GRIP1: variants seen among roughly 807,000 people sequenced by gnomAD.
GRIP1 encodes glutamate receptor interacting protein 1, also known as glutamate receptor-interacting protein 1.
A neutral mutation model predicts 129.9 loss-of-function variants in GRIP1; 45 were observed. The observed-to-expected ratio is 0.35, with a 90% CI of 0.27 to 0.44. GRIP1 has a LOEUF of 0.44. GRIP1 is among the 20% of genes least tolerant of loss of function. The pLI, the probability that GRIP1 is intolerant of heterozygous loss-of-function variation, is 1.00. For synonymous variants in GRIP1, 530 were observed against 520.8 expected (o/e 1.02, Z -0.24); for missense variants, 1,196 against 1,396.8 (o/e 0.86, Z 2.29).
intron 1 of GRIP1, among the ~76,000 whole-genome samples, chr12:66,989,440 CA>C (rs2042362419): frequency 6.6e-6 from 1 of 152,118 alleles, no homozygotes; most frequent in Non-Finnish European, 1.5e-5. Flanking sequence ...CATGGCTGTA[CA>C]ATTCTTCCCT....
intron 1 of GRIP1, among the ~76,000 whole-genome samples, chr12:66,944,857 C>T (rs1414941502): frequency 6.6e-6 from 1 of 152,134 alleles, no homozygotes; most frequent in Non-Finnish European, 1.5e-5. Flanking sequence ...CAGTGGCACG[C>T]TCTTGGCTCA....
chr12:66,456,459 C>T (rs982794870), intron 9 of GRIP1, 117 bp from the exon 10 acceptor site: 2 of 476,400 alleles, frequency 4.2e-6, no homozygotes, highest in Non-Finnish European at 3.4e-6. Flanking sequence ...AAGAAAGCTG[C>T]TTGCAAATAA....
chr12:66,989,644 T>C (rs1008323197), intron 1 of GRIP1, among the ~76,000 whole-genome samples: 1 of 152,186 alleles, frequency 6.6e-6, no homozygotes, highest in African/African-American at 2.4e-5. Flanking sequence ...AAACCAAATA[T>C]GGTCAGATTA....
intron 1 of GRIP1, among the ~76,000 whole-genome samples, chr12:66,908,616 G>C (rs1467210471): frequency 6.6e-6 from 1 of 152,196 alleles, no homozygotes; most frequent in African/African-American, 2.4e-5. Context: ...GTTTGTTTAT[G>C]AGGAGTGAGA....
intron 1 of GRIP1, among the ~76,000 whole-genome samples, chr12:67,019,661 G>A (rs377670654): frequency 6.6e-6 from 1 of 152,060 alleles, no homozygotes; most frequent in Non-Finnish European, 1.5e-5. Context: ...AATTCCAAAT[G>A]AGGATGACTA....
At chr12:66,424,937 G>A (rs1373281872) in intron 14 of GRIP1, among the ~76,000 whole-genome samples, 1 of 151,820 alleles carries the variant, frequency 6.6e-6, no homozygotes, top group Non-Finnish European at 1.5e-5. Flanking sequence ...GGGAAACCCA[G>A]AGGTTCTCTT....
At chr12:66,690,904 G>C (rs1207313383) in intron 1 of GRIP1, among the ~76,000 whole-genome samples, 3 of 151,568 alleles carry the variant, frequency 2.0e-5, no homozygotes, top group African/African-American at 7.3e-5. Context: ...CTGCAGTCCA[G>C]CCTGGGCAAT....
intron 1 of GRIP1, among the ~76,000 whole-genome samples, chr12:66,686,470 C>T (rs1051813122): frequency 2.6e-5 from 4 of 152,182 alleles, no homozygotes; most frequent in East Asian, 1.9e-4. Flanking sequence ...GTAATTCATG[C>T]GTCTGTTTTT....
chr12:67,069,322 G>A (rs1488235900), upstream of GRIP1, among the ~76,000 whole-genome samples: 1 of 140,434 alleles, frequency 7.1e-6, no homozygotes, highest in Non-Finnish European at 1.6e-5. Context: ...GGCGGCGGCG[G>A]CGGCGGCGGC....
In GRIP1 at chr12:66,695,211, T is replaced by C. The variant is rs138621853; in HGVS notation, c.-419-64875A>G. On this transcript the variant is annotated intron_variant, in intron 1 of 4. Transcript: ENST00000538373. Reference sequence around the variant, plus strand: ...CATGTGTGAGGAGGAGCCTTGCTCATAGGGGGAAGACACTTTTCTCAAAGC... The same window carrying C: ...CATGTGTGAGGAGGAGCCTTGCTCACAGGGGGAAGACACTTTTCTCAAAGC... Among the ~76,000 whole-genome samples, 4 of 151,628 alleles carry C rather than the reference T, an allele frequency of 2.6e-5. No homozygotes were observed. The East Asian group carries it at 5.8e-4, about 22-fold the overall frequency.
chr12:66,952,541 T>C (rs917490489), intron 1 of GRIP1, among the ~76,000 whole-genome samples: 7 of 152,188 alleles, frequency 4.6e-5, no homozygotes, highest in Non-Finnish European at 8.8e-5. Flanking sequence ...ATAACAAAAG[T>C]ATAAACACCA....
At chr12:66,843,100 G>C (rs2137054366) in intron 1 of GRIP1, among the ~76,000 whole-genome samples, 1 of 152,036 alleles carries the variant, frequency 6.6e-6, no homozygotes, top group African/African-American at 2.4e-5. Context: ...GAAAACAATA[G>C]CAAAAAGACT....
At chr12:67,050,747 A>G (rs2043331385) in intron 1 of GRIP1, among the ~76,000 whole-genome samples, 1 of 152,198 alleles carries the variant, frequency 6.6e-6, no homozygotes, top group Non-Finnish European at 1.5e-5. Context: ...ATGCTCCAGT[A>G]GCAAAGGTGT....
chr12:66,799,656 C>T (rs1269523842), intron 1 of GRIP1, among the ~76,000 whole-genome samples: 1 of 152,146 alleles, frequency 6.6e-6, no homozygotes, highest in African/African-American at 2.4e-5. Flanking sequence ...GCACATATTT[C>T]TGCACAAATC....
At chr12:66,735,416 T>A (rs1487533995) in intron 1 of GRIP1, among the ~76,000 whole-genome samples, 1 of 152,096 alleles carries the variant, frequency 6.6e-6, no homozygotes, top group Non-Finnish European at 1.5e-5. Flanking sequence ...AAAGAGACTG[T>A]GAAGTCAATA....
At chr12:66,599,325 A>T (rs2064180748) in intron 1 of GRIP1, among the ~76,000 whole-genome samples, 1 of 152,232 alleles carries the variant, frequency 6.6e-6, no homozygotes. Context: ...AAAGCCAATC[A>T]GTGTAAAAGC....
chr12:66,847,846 T>C (rs2039845487), intron 1 of GRIP1, among the ~76,000 whole-genome samples: 1 of 152,212 alleles, frequency 6.6e-6, no homozygotes, highest in South Asian at 2.1e-4. Context: ...GATGAAATTC[T>C]TCCTACAGCA....
At chr12:67,025,374 G>A (rs904066291) in intron 1 of GRIP1, among the ~76,000 whole-genome samples, 5 of 151,586 alleles carry the variant, frequency 3.3e-5, no homozygotes, top group Admixed American at 2.0e-4. Context: ...CACACACAAA[G>A]AATAAGCAAA....
At chr12:66,432,421 C>T (rs2058175504) in intron 14 of GRIP1, 127 bp downstream of exon 14, 2 of 635,404 alleles carry the variant, frequency 3.1e-6, no homozygotes. Flanking sequence ...ACTGACTCCA[C>T]ATTTTTGTAT....
Sources: gnomAD v4.1 joint callset for allele counts (sites outside exome capture counted in the v4.1 genomes callset) on GRCh38, gnomAD v4.1.1 for gene constraint, MANE v1.5 for transcripts, NCBI Gene and HGNC (gene_info 2026-07-23, HGNC 2026-07-21) for gene names.